PRKCE: variants seen among roughly 807,000 people sequenced by gnomAD.
PRKCE encodes protein kinase C epsilon.
Under a neutral mutation model 85.4 loss-of-function variants are expected in PRKCE, and 16 were observed. The observed-to-expected ratio is 0.19, with a 90% CI of 0.13 to 0.28. The LOEUF is 0.28. Ranked by LOEUF, PRKCE falls within the 10% of genes least tolerant of loss-of-function variation. PRKCE has a pLI of 1.00. For missense variants in PRKCE, 573 were observed against 975.2 expected (o/e 0.59, Z 5.49); for synonymous variants, 388 against 371.5 (o/e 1.04, Z -0.51).
intron 1 of PRKCE, among the ~76,000 whole-genome samples, chr2:45,806,549 G>GT (rs1252258871): frequency 6.6e-6 from 1 of 152,166 alleles, no homozygotes; most frequent in Non-Finnish European, 1.5e-5. Context: ...TTTTCATCTT[G>GT]TAGAACCGTA....
chr2:45,958,112 G>C (rs1185980779), intron 2 of PRKCE, among the ~76,000 whole-genome samples: 1 of 145,324 alleles, frequency 6.9e-6, no homozygotes, highest in Non-Finnish European at 1.5e-5. Flanking sequence ...ATTTTAAGCA[G>C]AGAGAACCTC....
intron 6 of PRKCE, among the ~76,000 whole-genome samples, chr2:45,994,833 G>A (rs1337125200): frequency 4.6e-5 from 7 of 152,138 alleles, no homozygotes; most frequent in African/African-American, 7.2e-5. Flanking sequence ...TATGGTAATG[G>A]TATATTTAGT....
At chr2:45,987,002 T>C (rs1218577384) in intron 6 of PRKCE, among the ~76,000 whole-genome samples, 2 of 150,118 alleles carry the variant, frequency 1.3e-5, no homozygotes, top group African/African-American at 2.5e-5. Context: ...GGGCCTGCTT[T>C]GGAGGGAACC....
At chr2:46,110,188 G>A (rs1672122780) in intron 11 of PRKCE, among the ~76,000 whole-genome samples, 1 of 152,096 alleles carries the variant, frequency 6.6e-6, no homozygotes, top group African/African-American at 2.4e-5. Flanking sequence ...TAGTGTTAGG[G>A]TAATGCTGAC....
chr2:45,756,953 T>C (rs1272407724), intron 1 of PRKCE, among the ~76,000 whole-genome samples: 1 of 152,142 alleles, frequency 6.6e-6, no homozygotes, highest in Non-Finnish European at 1.5e-5. Flanking sequence ...GGTTTACTCT[T>C]ATTTAAAGAG....
At chr2:46,174,604 C>T (rs1679246527) in intron 14 of PRKCE, among the ~76,000 whole-genome samples, 1 of 152,146 alleles carries the variant, frequency 6.6e-6, no homozygotes, top group Non-Finnish European at 1.5e-5. Context: ...CCGGTGCGCC[C>T]AGGCTCCCCC....
chr2:45,889,357 C>T (rs567167867), intron 2 of PRKCE, among the ~76,000 whole-genome samples: 36 of 152,254 alleles, frequency 2.4e-4, no homozygotes, highest in Admixed American at 1.4e-3. Flanking sequence ...CATAAATGGT[C>T]CATAAGCGCC....
intron 2 of PRKCE, among the ~76,000 whole-genome samples, chr2:45,868,337 A>C (rs931729323): frequency 6.7e-6 from 1 of 149,900 alleles, no homozygotes; most frequent in Admixed American, 6.6e-5. Flanking sequence ...AAAAAAAAAA[A>C]AAAAACTTTT....
intron 1 of PRKCE, among the ~76,000 whole-genome samples, chr2:45,681,013 G>A (rs1378843499): frequency 6.6e-6 from 1 of 152,084 alleles, no homozygotes; most frequent in Non-Finnish European, 1.5e-5. Context: ...TTTTTGGGCT[G>A]AGTGCGGTGG....
At chr2:46,170,423 C>G (rs1254946917) in intron 14 of PRKCE, among the ~76,000 whole-genome samples, 1 of 152,188 alleles carries the variant, frequency 6.6e-6, no homozygotes, top group Non-Finnish European at 1.5e-5. Context: ...AATGAGTCCC[C>G]ATGTGTTCAT....
chr2:46,154,345 G>A (rs1011946009), intron 13 of PRKCE, among the ~76,000 whole-genome samples: 2 of 152,094 alleles, frequency 1.3e-5, no homozygotes, highest in Non-Finnish European at 2.9e-5. Context: ...CAAATTCAAT[G>A]TGTGTTCTGG....
intron 11 of PRKCE, among the ~76,000 whole-genome samples, chr2:46,106,752 T>C (rs374940297): frequency 1.3e-5 from 2 of 152,224 alleles, no homozygotes; most frequent in East Asian, 3.8e-4. Context: ...GCTGGCCTTA[T>C]TTGAATTAAA....
At chr2:45,783,645 A>G (rs921623100) in intron 1 of PRKCE, among the ~76,000 whole-genome samples, 1 of 152,234 alleles carries the variant, frequency 6.6e-6, no homozygotes, top group African/African-American at 2.4e-5. Context: ...CTAAAACACA[A>G]GTTAGGCTCC....
intron 1 of PRKCE, among the ~76,000 whole-genome samples, chr2:45,763,430 A>G (rs555821922): frequency 6.6e-6 from 1 of 152,324 alleles, no homozygotes; most frequent in South Asian, 2.1e-4. Context: ...AAATGATTTC[A>G]TAACATTTTT....
chr2:46,143,395 C>G (rs1675753726), intron 11 of PRKCE, among the ~76,000 whole-genome samples: 1 of 152,128 alleles, frequency 6.6e-6, no homozygotes, highest in African/African-American at 2.4e-5. Context: ...AGGACTCAGA[C>G]ATTTGCAAGT....
intron 11 of PRKCE, among the ~76,000 whole-genome samples, chr2:46,137,739 CAG>C (rs1476282279): frequency 6.7e-6 from 1 of 149,652 alleles, no homozygotes; most frequent in Non-Finnish European, 1.5e-5. Flanking sequence ...GTCTGGACAA[CAG>C]AGTGAGACCC....
intron 1 of PRKCE, among the ~76,000 whole-genome samples, chr2:45,839,121 TA>T (rs1356365662): frequency 1.2e-3 from 151 of 123,584 alleles, no homozygotes; most frequent in African/African-American, 4.7e-3. Context: ...CCTGGGTGCT[TA>T]GTTAAAAAAA....
At chr2:45,926,515 G>C (rs1422645361) in intron 2 of PRKCE, among the ~76,000 whole-genome samples, 2 of 152,144 alleles carry the variant, frequency 1.3e-5, no homozygotes, top group Non-Finnish European at 2.9e-5. Context: ...CGTAGTACTG[G>C]CATATTACAT....
intron 1 of PRKCE, among the ~76,000 whole-genome samples, chr2:45,827,432 T>C (rs1297168705): frequency 1.3e-5 from 2 of 152,204 alleles, no homozygotes; most frequent in Non-Finnish European, 2.9e-5. Context: ...GTGGTTCAGA[T>C]CGTGGTGTGG....
Sources: allele counts gnomAD v4.1 joint callset (sites outside exome capture counted in the v4.1 genomes callset), GRCh38; gene constraint gnomAD v4.1.1; transcripts MANE v1.5; gene names NCBI Gene and HGNC (gene_info 2026-07-23, HGNC 2026-07-21).